The following CADPS2 variants were observed in gnomAD, a reference collection of about 807,000 sequenced individuals.
CADPS2 encodes the protein calcium dependent secretion activator 2.
Under a neutral mutation model 172.5 loss-of-function variants are expected in CADPS2, and 93 were observed. That is an observed-to-expected ratio of 0.54 (90% confidence interval 0.46 to 0.64). The LOEUF (loss-of-function observed/expected upper bound fraction) is 0.64, where lower values mean the gene tolerates loss of function less well. Among genes scored for constraint, CADPS2 ranks in the 30% least tolerant of loss-of-function variants. The pLI is 0.00. For synonymous variants in CADPS2, 546 were observed against 555.2 expected, an observed-to-expected ratio of 0.98 and a Z score of 0.23; for missense variants, 1,420 against 1,565.9, an observed-to-expected ratio of 0.91 and a Z score of 1.57.
chr7:122,723,278 T>G (rs1256829395), intron 2 of CADPS2, among the ~76,000 whole-genome samples: 1 of 151,920 alleles, frequency 6.6e-6, no homozygotes, highest in Non-Finnish European at 1.5e-5. Flanking sequence ...TGCAATCTAC[T>G]CATCTGACAA....
intron 1 of CADPS2, among the ~76,000 whole-genome samples, chr7:122,783,522 G>A (rs1273553478): frequency 6.6e-6 from 1 of 152,130 alleles, no homozygotes; most frequent in African/African-American, 2.4e-5. Flanking sequence ...CCCTTGACCT[G>A]GTGATGGATG....
intron 1 of CADPS2, among the ~76,000 whole-genome samples, chr7:122,875,115 G>C (rs150777694): frequency 1.3e-5 from 2 of 152,198 alleles, no homozygotes; most frequent in Non-Finnish European, 2.9e-5. Context: ...AAATGTGAGT[G>C]TGTATACGTT....
intron 7 of CADPS2, among the ~76,000 whole-genome samples, chr7:122,580,173 G>A (rs572650368): frequency 2.0e-5 from 3 of 152,160 alleles, no homozygotes; most frequent in African/African-American, 4.8e-5. Flanking sequence ...CATTACAGAG[G>A]GCGGGTGTTG....
At chr7:122,716,000 A>G (rs926290959) in intron 2 of CADPS2, among the ~76,000 whole-genome samples, 4 of 152,144 alleles carry the variant, frequency 2.6e-5, no homozygotes, top group African/African-American at 9.7e-5. Context: ...AATTGCTAGA[A>G]GAATACATTT....
At chr7:122,820,377 C>G (rs577472678) in intron 1 of CADPS2, among the ~76,000 whole-genome samples, 1 of 151,956 alleles carries the variant, frequency 6.6e-6, no homozygotes, top group East Asian at 1.9e-4. Context: ...TAAAAACACA[C>G]GTGCTCTCCC....
intron 2 of CADPS2, among the ~76,000 whole-genome samples, chr7:122,688,853 C>A (rs1446935799): frequency 6.6e-6 from 1 of 152,152 alleles, no homozygotes; most frequent in Non-Finnish European, 1.5e-5. Flanking sequence ...TTACACTCCA[C>A]CCCCTCGGCC....
rs113152661 is a variant in CADPS2 at position 122,716,693 on chromosome 7, A to T, written c.453+20262T>A. ...TAAAGTATAACAATTAAAAATAAATAAATAAATAAGAAAGGCAGGCATGCC... is the reference window on the plus strand; with the variant it reads ...TAAAGTATAACAATTAAAAATAAATTAATAAATAAGAAAGGCAGGCATGCC... On this transcript the variant is annotated intron_variant, in intron 2 of 29. Transcript: ENST00000449022. Among the ~76,000 whole-genome samples the T allele has an allele frequency of 5.6e-3, 860 of 152,272 alleles. 4 individuals are homozygous for T. Among genetic ancestry groups the T allele is most frequent in the African/African-American group, 0.019 (805 of 41,556 alleles).
intron 17 of CADPS2, chr7:122,436,286 T>A: frequency 2.2e-6 from 2 of 894,468 alleles, no homozygotes; most frequent in Non-Finnish European, 3.1e-6. Context: ...CAATCATGTC[T>A]CAACAAAGTG....
intron 1 of CADPS2, among the ~76,000 whole-genome samples, chr7:122,752,905 A>G (rs2093008766): frequency 1.3e-5 from 2 of 152,184 alleles, no homozygotes; most frequent in Admixed American, 1.3e-4. Context: ...AAGACAAACA[A>G]GAGAGGGCAG....
At chr7:122,720,551 T>G (rs2090252055) in intron 2 of CADPS2, among the ~76,000 whole-genome samples, 1 of 151,506 alleles carries the variant, frequency 6.6e-6, no homozygotes, top group Non-Finnish European at 1.5e-5. Flanking sequence ...TGTGTATGTA[T>G]ATATGCATGT....
rs1316578657 is a variant in CADPS2, at chr7:122,619,891, A to G, written c.1104+1590T>C. Among the ~76,000 whole-genome samples, 17 of 152,184 alleles carry G rather than the reference A, an allele frequency of 1.1e-4. 1 individual carries two copies. Among genetic ancestry groups the G allele is most frequent in the Non-Finnish European group, 1.9e-4 (13 of 68,030 alleles). Reference sequence around the variant, plus strand: ...AACCATTTGGCAAAGTCATTAGGTAAGCCCAGAATTGAATCTTGAGTCAGA... The same window carrying G: ...AACCATTTGGCAAAGTCATTAGGTAGGCCCAGAATTGAATCTTGAGTCAGA... On this transcript the variant is annotated intron_variant, in intron 5 of 29. Coordinates refer to ENST00000449022, the MANE Select transcript of CADPS2 (RefSeq NM_017954.11).
In CADPS2 at chr7:122,579,775, C is replaced by T. The variant is rs184762371; in HGVS notation, c.1335+1404G>A. ...TTCAATGAAAACAAATGCACAAATACGTAAGCACATGACTGAATGAGCAGT... is the reference window on the plus strand; with the variant it reads ...TTCAATGAAAACAAATGCACAAATATGTAAGCACATGACTGAATGAGCAGT... On this transcript the variant is annotated intron_variant, in intron 7 of 29. Coordinates refer to ENST00000449022, the MANE Select transcript of CADPS2 (RefSeq NM_017954.11). Among the ~76,000 whole-genome samples, 380 of 152,048 alleles carry T rather than the reference C, an allele frequency of 2.5e-3. 5 individuals are homozygous for T. The highest frequency in any genetic ancestry group is 4.0e-3 in the Non-Finnish European group (271 of 67,972).
intron 1 of CADPS2, among the ~76,000 whole-genome samples, chr7:122,861,608 T>C (rs1417176584): frequency 1.3e-5 from 2 of 152,250 alleles, no homozygotes; most frequent in Admixed American, 6.5e-5. Context: ...GTAATCCTAT[T>C]TGTCTATTTT....
intron 7 of CADPS2, among the ~76,000 whole-genome samples, chr7:122,560,630 T>A (rs1587304156): frequency 6.6e-6 from 1 of 152,308 alleles, no homozygotes; most frequent in East Asian, 1.9e-4. Context: ...CAGGTGTCCT[T>A]GAGACAAAGG....
chr7:122,609,522 C>A (rs553786864), intron 6 of CADPS2, among the ~76,000 whole-genome samples: 15 of 152,232 alleles, frequency 9.9e-5, no homozygotes, highest in African/African-American at 3.6e-4. Context: ...TACAGTTTAT[C>A]CACACTCTCT....
At chr7:122,438,228 C>A in intron 17 of CADPS2, 113 bp downstream of exon 17, 1 of 1,335,186 alleles carries the variant, frequency 7.5e-7, no homozygotes. Flanking sequence ...GAGACATTTC[C>A]CTTTGCCATG....
At chr7:122,492,690 G>A (rs2058399407) in intron 9 of CADPS2, among the ~76,000 whole-genome samples, 1 of 151,940 alleles carries the variant, frequency 6.6e-6, no homozygotes, top group Non-Finnish European at 1.5e-5. Flanking sequence ...AGTTTGGTTA[G>A]TGTATTTTTT....
At chr7:122,768,592 C>T (rs1312544726) in intron 1 of CADPS2, among the ~76,000 whole-genome samples, 1 of 151,836 alleles carries the variant, frequency 6.6e-6, no homozygotes, top group African/African-American at 2.4e-5. Flanking sequence ...AACAAAATGC[C>T]TAAAAAGGAA....
intron 11 of CADPS2, among the ~76,000 whole-genome samples, chr7:122,481,109 G>C (rs1010124712): frequency 1.0e-4 from 15 of 149,700 alleles, no homozygotes; most frequent in Admixed American, 6.6e-5. Flanking sequence ...TTCTCTGATA[G>C]TTCAGGGTCA....
Sources: allele counts gnomAD v4.1 joint callset (sites outside exome capture counted in the v4.1 genomes callset), GRCh38; gene constraint gnomAD v4.1.1; transcripts MANE v1.5; gene names NCBI Gene and HGNC (gene_info 2026-07-23, HGNC 2026-07-21).